CCSER1: variants seen among roughly 807,000 people sequenced by gnomAD.
CCSER1 encodes coiled-coil serine rich protein 1, also known as serine-rich coiled-coil domain-containing protein 1.
A neutral mutation model predicts 82.0 loss-of-function variants in CCSER1; 41 were observed. The ratio of observed to expected loss-of-function variants is 0.50; its 90% CI spans 0.39 to 0.65. CCSER1 has a LOEUF of 0.65. CCSER1 is among the 30% of genes least tolerant of loss of function. The probability of loss-of-function intolerance (pLI) is 0.00; values close to 1 mark genes in which losing one functional copy is unlikely to be tolerated. For synonymous variants in CCSER1, 414 were observed against 383.9 expected (o/e 1.08, Z -0.92); for missense variants, 1,119 against 1,064.2 (o/e 1.05, Z -0.72).
intron 10 of CCSER1, among the ~76,000 whole-genome samples, chr4:91,543,388 T>C (rs1260724742): frequency 6.6e-6 from 1 of 152,214 alleles, no homozygotes; most frequent in Non-Finnish European, 1.5e-5. Flanking sequence ...TGCAGTTTCT[T>C]CCTAGCCTCA....
intron 8 of CCSER1, among the ~76,000 whole-genome samples, chr4:90,835,715 T>C (rs755733900): frequency 2.0e-5 from 3 of 152,150 alleles, no homozygotes; most frequent in Non-Finnish European, 4.4e-5. Flanking sequence ...CTTAGGGAAA[T>C]TGAATTTTCC....
intron 3 of CCSER1, among the ~76,000 whole-genome samples, chr4:90,342,907 T>G (rs957951770): frequency 6.6e-6 from 1 of 151,942 alleles, no homozygotes; most frequent in Non-Finnish European, 1.5e-5. Context: ...AGATTTTTTC[T>G]TATCTTATTG....
At chr4:90,586,950 A>G (rs1440031412) in intron 5 of CCSER1, among the ~76,000 whole-genome samples, 1 of 152,210 alleles carries the variant, frequency 6.6e-6, no homozygotes, top group Non-Finnish European at 1.5e-5. Flanking sequence ...AGATCTTCAG[A>G]TAGGGTGATT....
At chr4:91,070,560 G>T (rs568262043) in intron 9 of CCSER1, among the ~76,000 whole-genome samples, 6 of 152,236 alleles carry the variant, frequency 3.9e-5, no homozygotes, top group African/African-American at 1.4e-4. Context: ...TGACCAGTAG[G>T]CAAATGAGCA....
intron 1 of CCSER1, among the ~76,000 whole-genome samples, chr4:90,276,262 CCTTCCTTCCTT>C (rs1727716335): frequency 9.1e-6 from 1 of 109,364 alleles, no homozygotes; most frequent in African/African-American, 3.9e-5. Context: ...TTCCTTCCTT[CCTTCCTTCCTT>C]CCTTCCTTCC....
chr4:90,484,111 A>G (rs1178220854), intron 5 of CCSER1, among the ~76,000 whole-genome samples: 3 of 151,900 alleles, frequency 2.0e-5, no homozygotes, highest in Non-Finnish European at 2.9e-5. Context: ...TTCACGCTTC[A>G]TTTCATTCAT....
At chr4:91,205,151 T>C (rs1386334625) in intron 10 of CCSER1, among the ~76,000 whole-genome samples, 1 of 151,774 alleles carries the variant, frequency 6.6e-6, no homozygotes, top group Non-Finnish European at 1.5e-5. Flanking sequence ...GACTCTTAAA[T>C]AGGTTATTGA....
At chr4:90,218,544 G>T (rs1294208033) in intron 1 of CCSER1, among the ~76,000 whole-genome samples, 1 of 152,132 alleles carries the variant, frequency 6.6e-6, no homozygotes, top group African/African-American at 2.4e-5. Context: ...CATTAAACTT[G>T]CAGTGAGGCA....
intron 3 of CCSER1, among the ~76,000 whole-genome samples, chr4:90,376,021 T>G (rs528353847): frequency 9.8e-4 from 150 of 152,292 alleles, no homozygotes; most frequent in African/African-American, 3.4e-3. Flanking sequence ...TGTGTGGCCC[T>G]GGGACTGTAC....
chr4:90,570,592 A>T (rs1779995474), intron 5 of CCSER1, among the ~76,000 whole-genome samples: 1 of 152,120 alleles, frequency 6.6e-6, no homozygotes, highest in Admixed American at 6.5e-5. Context: ...ACTATCCCTA[A>T]GAGAGGGGGT....
At chr4:90,811,048 G>T (rs1414943036) in intron 7 of CCSER1, among the ~76,000 whole-genome samples, 1 of 151,852 alleles carries the variant, frequency 6.6e-6, no homozygotes, top group Non-Finnish European at 1.5e-5. Context: ...TAGCCAGGAT[G>T]GTCTCGATCT....
chr4:90,963,414 T>A (rs970067037), intron 9 of CCSER1, among the ~76,000 whole-genome samples: 1 of 152,048 alleles, frequency 6.6e-6, no homozygotes, highest in Non-Finnish European at 1.5e-5. Context: ...ATATATACAT[T>A]TTTTTTGTTA....
At chr4:90,140,592 T>C (rs943914051) in intron 1 of CCSER1, among the ~76,000 whole-genome samples, 1 of 151,982 alleles carries the variant, frequency 6.6e-6, no homozygotes, top group African/African-American at 2.4e-5. Context: ...CACAGGTATG[T>C]AGTAATTAAT....
intron 1 of CCSER1, among the ~76,000 whole-genome samples, chr4:90,137,550 G>A (rs573632302): frequency 2.0e-5 from 3 of 152,240 alleles, no homozygotes; most frequent in African/African-American, 4.8e-5. Context: ...TTCATTGGAC[G>A]GTGATATAGA....
intron 1 of CCSER1, among the ~76,000 whole-genome samples, chr4:90,236,496 G>A (rs925147768): frequency 6.6e-6 from 1 of 152,038 alleles, no homozygotes; most frequent in African/African-American, 2.4e-5. Flanking sequence ...TTTTCTTAAG[G>A]GCGAAACAAT....
chr4:90,160,643 G>A (rs2153365832), intron 1 of CCSER1, among the ~76,000 whole-genome samples: 1 of 152,210 alleles, frequency 6.6e-6, no homozygotes, highest in South Asian at 2.1e-4. Context: ...ATGAATAGAT[G>A]CTATTTATAT....
At chr4:91,536,383 G>C (rs1560745818) in intron 10 of CCSER1, among the ~76,000 whole-genome samples, 1 of 152,024 alleles carries the variant, frequency 6.6e-6, no homozygotes, top group East Asian at 1.9e-4. Context: ...ATGATAGAGA[G>C]AGAGAGATAG....
chr4:91,381,160 CT>C (rs1750860063), intron 10 of CCSER1, among the ~76,000 whole-genome samples: 1 of 152,174 alleles, frequency 6.6e-6, no homozygotes, highest in African/African-American at 2.4e-5. Flanking sequence ...CCTGACCTTT[CT>C]CTATGGCTGC....
intron 10 of CCSER1, among the ~76,000 whole-genome samples, chr4:91,551,700 C>CACACACAA (rs1491222711): frequency 8.6e-5 from 12 of 139,340 alleles, no homozygotes; most frequent in African/African-American, 3.0e-4. Flanking sequence ...CACACACACA[C>CACACACAA]AATCAGTCAA....
Sources: gnomAD v4.1 joint callset for allele counts (sites outside exome capture counted in the v4.1 genomes callset) on GRCh38, gnomAD v4.1.1 for gene constraint, MANE v1.5 for transcripts, NCBI Gene and HGNC (gene_info 2026-07-23, HGNC 2026-07-21) for gene names.